The following DSCAM variants were observed in gnomAD, a reference collection of about 807,000 sequenced individuals.
The protein encoded by DSCAM is cell adhesion molecule DSCAM.
A neutral mutation model predicts 217.7 loss-of-function variants in DSCAM; 47 were observed. The observed-to-expected ratio is 0.22, with a 90% CI of 0.17 to 0.28. The LOEUF (loss-of-function observed/expected upper bound fraction) is 0.28. Ranked by LOEUF, DSCAM falls within the 10% of genes least tolerant of loss-of-function variation. The pLI is 1.00. For missense variants in DSCAM, 2,080 were observed against 2,618.3 expected (o/e 0.79, Z 4.49); for synonymous variants, 1,056 against 1,015.3 (o/e 1.04, Z -0.76).
At chr21:40,482,685 G>A (rs2075993179) in intron 3 of DSCAM, among the ~76,000 whole-genome samples, 2 of 152,100 alleles carry the variant, frequency 1.3e-5, no homozygotes, top group Non-Finnish European at 2.9e-5. Flanking sequence ...GACAGCAGAG[G>A]GCAATAAATG....
At chr21:40,156,779 T>C (rs544503526) in intron 16 of DSCAM, among the ~76,000 whole-genome samples, 6 of 152,288 alleles carry the variant, frequency 3.9e-5, no homozygotes, top group South Asian at 2.1e-4. Context: ...GAGGAACTTA[T>C]TGGGAACTGG....
At chr21:40,684,056 C>A (rs1418049380) in intron 3 of DSCAM, among the ~76,000 whole-genome samples, 1 of 54,972 alleles carries the variant, frequency 1.8e-5, no homozygotes, top group Non-Finnish European at 4.0e-5. Flanking sequence ...GTAACCCTGT[C>A]TCTACTAAAA....
intron 3 of DSCAM, among the ~76,000 whole-genome samples, chr21:40,563,304 G>C (rs1036095041): frequency 2.6e-5 from 4 of 151,292 alleles, no homozygotes; most frequent in Admixed American, 6.6e-5. Context: ...GAGATCAAGA[G>C]ATCTACTACT....
chr21:40,110,600 A>G (rs933911317), intron 20 of DSCAM, among the ~76,000 whole-genome samples: 2 of 152,202 alleles, frequency 1.3e-5, no homozygotes, highest in African/African-American at 4.8e-5. Context: ...AGAAGGCTTC[A>G]GATGATCAAA....
chr21:40,643,508 T>A (rs1401262526), intron 3 of DSCAM, among the ~76,000 whole-genome samples: 1 of 152,180 alleles, frequency 6.6e-6, no homozygotes, highest in Non-Finnish European at 1.5e-5. Flanking sequence ...CCCACCAATT[T>A]CAGAGTGGAC....
At chr21:40,460,028 C>T (rs1388508791) in intron 3 of DSCAM, among the ~76,000 whole-genome samples, 1 of 152,094 alleles carries the variant, frequency 6.6e-6, no homozygotes, top group Non-Finnish European at 1.5e-5. Flanking sequence ...AACACAGGAG[C>T]AGAAAACCAA....
intron 11 of DSCAM, among the ~76,000 whole-genome samples, chr21:40,213,232 T>C (rs1266051705): frequency 6.6e-6 from 1 of 152,192 alleles, no homozygotes; most frequent in Non-Finnish European, 1.5e-5. Flanking sequence ...TTTGCTTTAT[T>C]TTGGGTATCA....
rs756653902 is a variant in DSCAM, at chr21:40,013,214, G to A, written c.5859C>T (p.Ser1953=). The change falls in exon 33 of 33, where the codon TCC becomes TCT. Residue 1953 remains serine, a synonymous_variant. Transcript: ENST00000400454. The part of the protein sequence containing the change: ...LEPIPMEAAS[S]ASSTREGQSW... ...ACTGTCCTTCTCTCGTGGAGGAGGCGGAGGAGGCGGCTTCCATCGGGATGG... is the reference window on the plus strand; with the variant it reads ...ACTGTCCTTCTCTCGTGGAGGAGGCAGAGGAGGCGGCTTCCATCGGGATGG... 12 of 1,613,616 alleles carry A rather than the reference G, an allele frequency of 7.4e-6. No homozygotes were observed. Among genetic ancestry groups the A allele is most frequent in the East Asian group, 6.7e-5 (3 of 44,854 alleles).
At chr21:40,719,772 T>C (rs2090881762) in intron 1 of DSCAM, among the ~76,000 whole-genome samples, 1 of 152,146 alleles carries the variant, frequency 6.6e-6, no homozygotes, top group Non-Finnish European at 1.5e-5. Context: ...AGAGTCAGAA[T>C]AAAGTTTGCC....
At chr21:40,160,949 G>C (rs764918976) in intron 16 of DSCAM, among the ~76,000 whole-genome samples, 6 of 152,178 alleles carry the variant, frequency 3.9e-5, no homozygotes, top group African/African-American at 9.7e-5. Context: ...TCCTGTCAAG[G>C]CCACTCTGCT....
chr21:40,350,237 CA>C (rs1329874443), intron 5 of DSCAM, among the ~76,000 whole-genome samples: 7 of 152,262 alleles, frequency 4.6e-5, no homozygotes, highest in Admixed American at 2.6e-4. Context: ...ACAAAGACTT[CA>C]TGACTAAAAC....
intron 1 of DSCAM, among the ~76,000 whole-genome samples, chr21:40,837,658 A>G (rs1394773817): frequency 6.6e-6 from 1 of 152,226 alleles, no homozygotes; most frequent in Non-Finnish European, 1.5e-5. Context: ...TCTGTCTGTT[A>G]GACAGCATTC....
In DSCAM at chr21:40,276,266, A is replaced by G. The variant is rs369004935; in HGVS notation, c.2187T>C (p.Ala729=). 21 of 1,590,548 alleles carry G rather than the reference A, an allele frequency of 1.3e-5. No individual in the cohort carries two copies. In the African/African-American group the frequency reaches 2.4e-4, roughly 19 times the overall value. The change falls in exon 11 of 33, where the codon GCT becomes GCC. Residue 729 remains alanine, a synonymous_variant. Transcript: ENST00000400454. ...PTIVWKFSKG[A]GVPQFQPIAL... is the part of the protein sequence containing the mutation. ...CAATTGGCTGGAACTGGGGAACCCCAGCACCTGAGACAGAAAAAGAAAGAC... is the reference window on the plus strand; with the variant it reads ...CAATTGGCTGGAACTGGGGAACCCCGGCACCTGAGACAGAAAAAGAAAGAC...
At chr21:40,074,822 C>T (rs936526266) in intron 27 of DSCAM, among the ~76,000 whole-genome samples, 4 of 152,178 alleles carry the variant, frequency 2.6e-5, no homozygotes, top group Non-Finnish European at 5.9e-5. Context: ...TTGGCTTTCA[C>T]CTGATTTCTG....
At chr21:40,212,238 G>C (rs1464213751) in intron 11 of DSCAM, 1 of 154,380 alleles carries the variant, frequency 6.5e-6, no homozygotes, top group Non-Finnish European at 1.5e-5. Context: ...AAAGTGCTGG[G>C]ATTATAGGCG....
intron 3 of DSCAM, among the ~76,000 whole-genome samples, chr21:40,555,314 A>C (rs928880325): frequency 6.6e-6 from 1 of 152,220 alleles, no homozygotes; most frequent in African/African-American, 2.4e-5. Context: ...TCAGGCAGAT[A>C]TTTTCCAGAT....
chr21:40,074,961 C>A, intron 27 of DSCAM, 76 bp downstream of exon 27: 2 of 1,499,056 alleles, frequency 1.3e-6, no homozygotes, highest in South Asian at 1.3e-5. Context: ...GAGGTTTGTT[C>A]TCCAGCTGGC....
At chr21:40,762,196 A>C (rs1446386850) in intron 1 of DSCAM, among the ~76,000 whole-genome samples, 1 of 152,142 alleles carries the variant, frequency 6.6e-6, no homozygotes, top group African/African-American at 2.4e-5. Context: ...AAGATTAACA[A>C]AATAGATAGA....
chr21:40,793,687 C>T (rs923434763), intron 1 of DSCAM, among the ~76,000 whole-genome samples: 33 of 152,156 alleles, frequency 2.2e-4, no homozygotes, highest in African/African-American at 6.0e-4. Flanking sequence ...GACGGGGTTC[C>T]ACCATGTTGA....
Sources: allele counts gnomAD v4.1 joint callset (sites outside exome capture counted in the v4.1 genomes callset), GRCh38; gene constraint gnomAD v4.1.1; transcripts MANE v1.5; gene names NCBI Gene and HGNC (gene_info 2026-07-23, HGNC 2026-07-21).